The following SLC49A4 variants were observed in gnomAD, a reference collection of about 807,000 sequenced individuals.
SLC49A4 encodes disrupted in renal cancer protein 2.
SLC49A4 carries 36 observed loss-of-function variants against 50.6 expected under a neutral mutation model. The ratio of observed to expected loss-of-function variants is 0.71; its 90% confidence interval spans 0.55 to 0.94. The LOEUF (loss-of-function observed/expected upper bound fraction) is 0.94, where lower values mean the gene tolerates loss of function less well. Among genes scored for constraint, SLC49A4 ranks in the 40% least tolerant of loss-of-function variants. The pLI is 0.00. For missense variants in SLC49A4, 503 were observed against 605.7 expected (o/e 0.83, Z 1.78); for synonymous variants, 248 against 241.2 (o/e 1.03, Z -0.26).
intron 8 of SLC49A4, among the ~76,000 whole-genome samples, chr3:122,877,314 C>A (rs527541170): frequency 3.3e-5 from 5 of 152,246 alleles, no homozygotes; most frequent in African/African-American, 1.2e-4. Context: ...TTGATTGAGA[C>A]AAGTGAATTT....
intron 8 of SLC49A4, among the ~76,000 whole-genome samples, chr3:122,878,515 G>A (rs1937293274): frequency 6.6e-6 from 1 of 152,190 alleles, no homozygotes; most frequent in African/African-American, 2.4e-5. Flanking sequence ...GGATTGTCTT[G>A]TTGGAGAATC....
chr3:122,855,994 T>G (rs550742646), intron 5 of SLC49A4, among the ~76,000 whole-genome samples: 15 of 152,198 alleles, frequency 9.9e-5, no homozygotes, highest in Non-Finnish European at 1.6e-4. Flanking sequence ...CCTATGTTGG[T>G]TATATTTAAA....
At chr3:122,835,134 A>G (rs1339615285) in intron 4 of SLC49A4, among the ~76,000 whole-genome samples, 1 of 152,196 alleles carries the variant, frequency 6.6e-6, no homozygotes, top group African/African-American at 2.4e-5. Flanking sequence ...CGGACTTTCA[A>G]AGAAGAATTT....
chr3:122,868,223 A>C (rs1178373768), intron 7 of SLC49A4, among the ~76,000 whole-genome samples: 1 of 152,184 alleles, frequency 6.6e-6, no homozygotes, highest in African/African-American at 2.4e-5. Context: ...GTTATGATCC[A>C]AGTCATGTGC....
rs1936014659 is a variant in SLC49A4, at chr3:122,795,531, G to C, written c.339G>C (p.Lys113Asn). 6.3e-7 allele frequency: 1 copy of C among 1,594,844 alleles called. No homozygotes were observed. The highest frequency in any genetic ancestry group is 8.5e-7 in the Non-Finnish European group (1 of 1,176,668). Reference sequence around the variant, plus strand: ...TCGCGTTCATGTGGCTCCTGGACAAGAGAGGTGAGGGGTCGCGGAGCGCCA... The same window carrying C: ...TCGCGTTCATGTGGCTCCTGGACAACAGAGGTGAGGGGTCGCGGAGCGCCA... ...PCFAFMWLLDKRGLRITVLLT... is the reference protein window; with the variant it reads ...PCFAFMWLLDNRGLRITVLLT... Residue 113 changes from lysine to asparagine, a missense_variant, in exon 1 of 9, where the codon AAG becomes AAC. Coordinates refer to ENST00000261038, the MANE Select transcript of SLC49A4 (RefSeq NM_032839.3).
At chr3:122,806,523 G>T (rs1936221362) in intron 1 of SLC49A4, among the ~76,000 whole-genome samples, 1 of 151,950 alleles carries the variant, frequency 6.6e-6, no homozygotes, top group African/African-American at 2.4e-5. Context: ...GATTACAGGT[G>T]TAATCCACCA....
In SLC49A4 at chr3:122,804,607, A is replaced by C. The variant is rs555560460; in HGVS notation, c.344-2250A>C. On this transcript the variant is annotated intron_variant, in intron 1 of 8. Coordinates refer to ENST00000261038, the MANE Select transcript of SLC49A4 (RefSeq NM_032839.3). Reference sequence around the variant, plus strand: ...AACACTTGGCAGCAATTAAAAATACACAAGAAAGCCACCACACTGTACTTG... The same window carrying C: ...AACACTTGGCAGCAATTAAAAATACCCAAGAAAGCCACCACACTGTACTTG... 3.6e-4 allele frequency among the ~76,000 whole-genome samples: 55 copies of C among 152,342 alleles called. 1 individual carries two copies. Among genetic ancestry groups the C allele is most frequent in the African/African-American group, 1.3e-3 (55 of 41,576 alleles).
intron 1 of SLC49A4, among the ~76,000 whole-genome samples, chr3:122,799,982 G>C (rs1342495838): frequency 6.6e-6 from 1 of 152,212 alleles, no homozygotes; most frequent in African/African-American, 2.4e-5. Context: ...ATGCCTATTA[G>C]ATACCCAAGT....
chr3:122,821,805 C>T (rs904376920), intron 2 of SLC49A4, among the ~76,000 whole-genome samples: 5 of 152,118 alleles, frequency 3.3e-5, no homozygotes, highest in African/African-American at 1.2e-4. Flanking sequence ...TCACATTGGC[C>T]TTGCTTTTAA....
rs559532402 is a variant in SLC49A4 at position 122,879,439 on chromosome 3, T to A, written c.*61T>A. 1 of 1,216,054 alleles carries A rather than the reference T, an allele frequency of 8.2e-7. No homozygotes were observed. Among genetic ancestry groups the A allele is most frequent in the Non-Finnish European group, 1.2e-6 (1 of 843,756 alleles). 75.3% of individuals were successfully genotyped at this position (1,216,054 alleles called of 1,614,324 possible). On this transcript the variant is annotated 3_prime_UTR_variant, in exon 9 of 9. Transcript: ENST00000261038. ...AAATCAATACTGCACACTGCACATT[T>A]GCTCAGAATTGCACATCTAACAGGA...
rs954409806 is a variant in SLC49A4, at chr3:122,836,389, C to T, written c.833+2943C>T. Reference sequence around the variant, plus strand: ...AAGCTTTTTGATGTGCTGCTGGATTCGGTTTGCCAGTATTTTATTGAGGAT... The same window carrying T: ...AAGCTTTTTGATGTGCTGCTGGATTTGGTTTGCCAGTATTTTATTGAGGAT... On this transcript the variant is annotated intron_variant, in intron 4 of 8. Transcript: ENST00000261038. Among the ~76,000 whole-genome samples, 17 of 151,668 alleles carry T rather than the reference C, an allele frequency of 1.1e-4. No individual in the cohort carries two copies. In the South Asian group the frequency reaches 2.7e-3, roughly 24 times the overall value.
chr3:122,842,575 G>C (rs1029803454), intron 4 of SLC49A4, among the ~76,000 whole-genome samples: 17 of 149,198 alleles, frequency 1.1e-4, no homozygotes, highest in African/African-American at 3.0e-4. Context: ...ATATTATGAC[G>C]TACTAATAAT....
At chr3:122,872,970 C>G (rs988190658) in intron 8 of SLC49A4, among the ~76,000 whole-genome samples, 1 of 151,958 alleles carries the variant, frequency 6.6e-6, no homozygotes, top group Admixed American at 6.5e-5. Flanking sequence ...AAAACTACTT[C>G]GAATCTCTCT....
intron 2 of SLC49A4, among the ~76,000 whole-genome samples, chr3:122,813,807 A>G (rs1263051503): frequency 6.6e-6 from 1 of 152,228 alleles, no homozygotes; most frequent in East Asian, 1.9e-4. Context: ...ATCATATTTT[A>G]TTAAATAGAA....
At chr3:122,859,409 C>G (rs1201341407) in intron 6 of SLC49A4, among the ~76,000 whole-genome samples, 2 of 152,136 alleles carry the variant, frequency 1.3e-5, no homozygotes, top group Admixed American at 1.3e-4. Context: ...TGTTTGTTCT[C>G]TAAGTGAGTT....
Position 122,795,176 on chromosome 3 carries a change from G to A in SLC49A4, c.-17G>A. On this transcript the variant is annotated 5_prime_UTR_variant, in exon 1 of 9. Coordinates refer to ENST00000261038, the MANE Select transcript of SLC49A4 (RefSeq NM_032839.3). The stretch of plus-strand genomic sequence containing the variant: ...CCGGACTGCGCCCGGCAGTGGCTTC[G>A]CGGGCGACGCGTCGCCATGGGCTCT... 1 of 1,313,712 alleles carries A rather than the reference G, an allele frequency of 7.6e-7. No individual in the cohort carries two copies. The highest frequency in any genetic ancestry group is 9.6e-7 in the Non-Finnish European group (1 of 1,040,714). The allele number at this position is 1,313,712 out of a possible 1,614,324, so 81.4% of individuals were successfully genotyped here. A position where few individuals can be genotyped will look rare whatever the true frequency, so the allele number is the denominator to read the frequency against.
At chr3:122,842,199 A>G (rs1936780032) in intron 4 of SLC49A4, among the ~76,000 whole-genome samples, 1 of 151,764 alleles carries the variant, frequency 6.6e-6, no homozygotes, top group Non-Finnish European at 1.5e-5. Flanking sequence ...AAGATTGCAG[A>G]TGTTAGGCCG....
chr3:122,824,948 G>T (rs1459699529), intron 2 of SLC49A4, among the ~76,000 whole-genome samples: 1 of 151,834 alleles, frequency 6.6e-6, no homozygotes, highest in African/African-American at 2.4e-5. Flanking sequence ...GGCCAGGCTG[G>T]TCTTGAACTC....
At chr3:122,857,794 G>A (rs1937007174) in intron 6 of SLC49A4, among the ~76,000 whole-genome samples, 1 of 152,030 alleles carries the variant, frequency 6.6e-6, no homozygotes, top group Non-Finnish European at 1.5e-5. Context: ...GTGAGTCATT[G>A]ATCACATCCT....
Sources: allele counts gnomAD v4.1 joint callset (sites outside exome capture counted in the v4.1 genomes callset), GRCh38; gene constraint gnomAD v4.1.1; transcripts MANE v1.5; gene names NCBI Gene and HGNC (gene_info 2026-07-23, HGNC 2026-07-21).